Variants in SGCZ observed in about 807,000 individuals in gnomAD.
SGCZ encodes the protein zeta-sarcoglycan.
SGCZ carries 40 observed loss-of-function variants against 41.3 expected under a neutral mutation model. That is an observed-to-expected ratio of 0.97 (90% CI 0.75 to 1.26). The LOEUF is 1.26. Ranked by LOEUF, SGCZ falls within the 50% of genes most tolerant of loss-of-function variation. The pLI, the probability that SGCZ is intolerant of heterozygous loss-of-function variation, is 0.00. For synonymous variants in SGCZ, 206 were observed against 137.5 expected (o/e 1.50, Z -3.49); for missense variants, 552 against 369.8 (o/e 1.49, Z -4.04).
chr8:14,671,326 T>G (rs1158114650), intron 1 of SGCZ, among the ~76,000 whole-genome samples: 1 of 152,220 alleles, frequency 6.6e-6, no homozygotes, highest in Non-Finnish European at 1.5e-5. Context: ...GAGACCTAAG[T>G]TATTTAAAGG....
intron 1 of SGCZ, among the ~76,000 whole-genome samples, chr8:14,996,023 C>A (rs562320871): frequency 2.6e-5 from 4 of 152,118 alleles, no homozygotes; most frequent in South Asian, 2.1e-4. Flanking sequence ...CCTGCCTCAG[C>A]CTCCCGAGTA....
intron 3 of SGCZ, among the ~76,000 whole-genome samples, chr8:14,257,107 T>C (rs923765914): frequency 1.3e-5 from 2 of 152,024 alleles, no homozygotes; most frequent in South Asian, 2.1e-4. Context: ...AGTGGACAGA[T>C]TGCTTTAATC....
chr8:14,249,538 T>C (rs892285054), intron 3 of SGCZ, among the ~76,000 whole-genome samples: 5 of 152,290 alleles, frequency 3.3e-5, no homozygotes, highest in Admixed American at 3.3e-4. Context: ...ACCTTGCAAG[T>C]AGCAATTATT....
At chr8:14,538,122 G>A (rs771122737) in intron 2 of SGCZ, among the ~76,000 whole-genome samples, 28 of 151,834 alleles carry the variant, frequency 1.8e-4, no homozygotes, top group Non-Finnish European at 3.1e-4. Flanking sequence ...TGCATATTTC[G>A]AAATATCCAT....
intron 1 of SGCZ, among the ~76,000 whole-genome samples, chr8:14,732,261 C>T (rs554098720): frequency 9.2e-5 from 14 of 152,262 alleles, no homozygotes; most frequent in African/African-American, 3.1e-4. Context: ...CAGCTCTTAT[C>T]TTATCCTTTC....
intron 2 of SGCZ, among the ~76,000 whole-genome samples, chr8:14,516,901 GAGTATA>G (rs1802638459): frequency 6.6e-6 from 1 of 151,980 alleles, no homozygotes; most frequent in African/African-American, 2.4e-5. Context: ...CTGACACCAA[GAGTATA>G]TGGAAACACT....
At chr8:14,325,747 C>CATATATATATATATATATAT in intron 2 of SGCZ, among the ~76,000 whole-genome samples, 1 of 69,458 alleles carries the variant, frequency 1.4e-5, no homozygotes, top group African/African-American at 4.5e-5. Flanking sequence ...CACACACACA[C>CATATATATATATATATATAT]ATATATATAT....
intron 1 of SGCZ, among the ~76,000 whole-genome samples, chr8:14,737,380 T>G (rs756890180): frequency 4.6e-5 from 7 of 152,060 alleles, no homozygotes; most frequent in African/African-American, 7.2e-5. Flanking sequence ...GTGACCCATT[T>G]TTGATTGAAA....
Position 14,144,844 on chromosome 8 carries a change from G to A in SGCZ, c.547+19736C>T, listed in dbSNP as rs551768638. On this transcript the variant is annotated intron_variant, in intron 5 of 7. Coordinates refer to ENST00000382080, the MANE Select transcript of SGCZ (RefSeq NM_139167.4). ...AGGGAATATCAGTGGTAGTCTGACC[G>A]TACTCCTTGTGGCCTGGAGTGGTGG... 6.6e-5 allele frequency among the ~76,000 whole-genome samples: 10 copies of A among 152,224 alleles called. No homozygotes were observed. In the East Asian group the frequency reaches 1.4e-3, roughly 21 times the overall value.
At chr8:14,162,665 A>G (rs1804082358) in intron 5 of SGCZ, 1 of 152,204 alleles carries the variant, frequency 6.6e-6, no homozygotes, top group South Asian at 2.1e-4. Context: ...ATGGACATCA[A>G]CCAGGTGAGT....
intron 1 of SGCZ, among the ~76,000 whole-genome samples, chr8:15,095,673 C>G (rs17120911): frequency 0.05 from 7,546 of 152,152 alleles, 582 homozygotes; most frequent in African/African-American, 0.17. Flanking sequence ...TTCACTCAGC[C>G]AAAAGCCCAT....
At chr8:14,908,682 G>A (rs943054477) in intron 1 of SGCZ, among the ~76,000 whole-genome samples, 4 of 148,604 alleles carry the variant, frequency 2.7e-5, no homozygotes, top group Admixed American at 1.4e-4. Context: ...CCTGGGAGGC[G>A]GAGCTTGCAG....
At chr8:14,109,853 G>T (rs866841742) in intron 5 of SGCZ, among the ~76,000 whole-genome samples, 61 of 152,044 alleles carry the variant, frequency 4.0e-4, no homozygotes, top group African/African-American at 1.4e-3. Flanking sequence ...TACTTACCAG[G>T]TTCTGCTGCA....
intron 1 of SGCZ, among the ~76,000 whole-genome samples, chr8:15,225,826 C>T (rs1220914186): frequency 6.6e-6 from 1 of 152,110 alleles, no homozygotes; most frequent in Non-Finnish European, 1.5e-5. Flanking sequence ...ACAGGTCTTG[C>T]CTCCTAGAAT....
At chr8:14,478,125 C>A (rs995427660) in intron 2 of SGCZ, among the ~76,000 whole-genome samples, 4 of 152,216 alleles carry the variant, frequency 2.6e-5, no homozygotes, top group African/African-American at 9.6e-5. Flanking sequence ...CTTTGGAAGA[C>A]AGTTTGGCAG....
intron 1 of SGCZ, among the ~76,000 whole-genome samples, chr8:14,715,196 T>C (rs1423879250): frequency 1.3e-5 from 2 of 152,072 alleles, no homozygotes; most frequent in South Asian, 2.1e-4. Context: ...TGGTTGAGAG[T>C]GAATACCTAA....
At chr8:14,654,948 A>G (rs1585157685) in intron 1 of SGCZ, among the ~76,000 whole-genome samples, 2 of 152,068 alleles carry the variant, frequency 1.3e-5, no homozygotes, top group Non-Finnish European at 1.5e-5. Flanking sequence ...TACAGGCAGG[A>G]AGCCACTGCA....
At chr8:14,402,367 C>G (rs1479258991) in intron 2 of SGCZ, among the ~76,000 whole-genome samples, 2 of 151,674 alleles carry the variant, frequency 1.3e-5, no homozygotes, top group Non-Finnish European at 2.9e-5. Context: ...CTTGCCCATG[C>G]CTATGTCCTG....
At chr8:14,208,152 C>T (rs1333379417) in intron 4 of SGCZ, among the ~76,000 whole-genome samples, 1 of 152,062 alleles carries the variant, frequency 6.6e-6, no homozygotes, top group East Asian at 1.9e-4. Context: ...TTTATTGAAC[C>T]CCATTAAAAT....
Sources: allele counts gnomAD v4.1 joint callset (sites outside exome capture counted in the v4.1 genomes callset), GRCh38; gene constraint gnomAD v4.1.1; transcripts MANE v1.5; gene names NCBI Gene and HGNC (gene_info 2026-07-23, HGNC 2026-07-21).